Variants in TPPP2 observed in about 807,000 individuals in gnomAD.
TPPP2 encodes tubulin polymerization promoting protein family member 2.
In TPPP2, 8 loss-of-function variants were observed where a neutral mutation model predicts 13.0. That is an observed-to-expected ratio of 0.62 (90% confidence interval 0.36 to 1.11). TPPP2 has a LOEUF of 1.11. Among genes scored for constraint, TPPP2 ranks in the 50% most tolerant of loss-of-function variants. The pLI is 0.02. For synonymous variants in TPPP2, 81 were observed against 81.8 expected (o/e 0.99, Z 0.05); for missense variants, 213 against 216.9 (o/e 0.98, Z 0.11).
chr14:21,034,380 C>A, downstream of TPPP2: 1 of 891,974 alleles, frequency 1.1e-6, no homozygotes, highest in Non-Finnish European at 1.7e-6. Context: ...ATTCCCAACC[C>A]AACAGTACTT....
upstream of TPPP2, among the ~76,000 whole-genome samples, chr14:21,029,673 G>A (rs1026228658): frequency 2.6e-5 from 4 of 152,118 alleles, no homozygotes; most frequent in African/African-American, 4.8e-5. Flanking sequence ...GGCATTTTGG[G>A]GGGTGATTAA....
At chr14:21,034,778 G>T, downstream of TPPP2, 1 of 156,182 alleles carries the variant, frequency 6.4e-6, no homozygotes, top group South Asian at 2.0e-4. Flanking sequence ...AGGTTTCTAG[G>T]TAAAAATCAG....
downstream of TPPP2, among the ~76,000 whole-genome samples, chr14:21,035,464 G>C (rs957125354): frequency 2.6e-5 from 4 of 152,212 alleles, no homozygotes; most frequent in Admixed American, 6.5e-5. Flanking sequence ...CAAAGAGCCA[G>C]CTCCCTGGAA....
chr14:21,027,624 A>G (rs1458770137), upstream of TPPP2, among the ~76,000 whole-genome samples: 1 of 152,244 alleles, frequency 6.6e-6, no homozygotes, highest in African/African-American at 2.4e-5. Context: ...CTTTGAAGTA[A>G]GTTTCTGTCA....
exon 1 of TPPP2, chr14:21,024,333 G>A (rs955421912): frequency 1.0e-6 from 1 of 981,852 alleles, no homozygotes; most frequent in Non-Finnish European, 1.2e-6. Flanking sequence ...AGAAGGAAGT[G>A]CTGATGTGGA....
rs375701695 is a variant in TPPP2, at chr14:21,031,071, G to C, written c.233G>C (p.Gly78Ala). ...TTCAAAGAGGCAGTGAAGGAACTGG[G>C]CCAGAAGCGCTTCAAAGGGAAGAGT... ...QQFKEAVKEL[G>A]QKRFKGKSPD... is the part of the protein sequence containing the mutation. Residue 78 changes from glycine to alanine, a missense_variant, in exon 3 of 4, where the codon GGC becomes GCC. Coordinates refer to ENST00000321760, the MANE Select transcript of TPPP2 (RefSeq NM_173846.5). The C allele has an allele frequency of 2.3e-5, 37 of 1,614,042 alleles. No homozygotes were observed. Among genetic ancestry groups the C allele is most frequent in the Non-Finnish European group, 3.1e-5 (36 of 1,180,026 alleles).
At position 21,031,984 on chromosome 14, in the gene TPPP2, C is replaced by G. The variant is rs1884223436; in HGVS notation, c.420C>G (p.Gly140=). ...AGCGCTTTGATGAGAGTGGCAAGGG[C>G]AAGGGCATTGCGGGACGGGAAGAGA... ...HKERFDESGK[G]KGIAGREEMT... Residue 140 remains glycine (G), a synonymous_variant, in exon 4 of 4, where the codon GGC becomes GGG. Coordinates refer to ENST00000321760, the MANE Select transcript of TPPP2 (RefSeq NM_173846.5). The G allele has an allele frequency of 6.2e-7, 1 of 1,614,146 alleles. No individual in the cohort carries two copies. Among genetic ancestry groups the G allele is most frequent in the Non-Finnish European group, 8.5e-7 (1 of 1,180,028 alleles).
upstream of TPPP2, chr14:21,025,673 G>T (rs1883489109): frequency 3.0e-6 from 3 of 984,986 alleles, no homozygotes; most frequent in Non-Finnish European, 1.2e-6. This position sits in a 1 kb window ranked among gnomAD's most constrained non-coding sequence, Gnocchi z 5.1. Context: ...CAGAGTCCTG[G>T]TACCTCTCCT....
chr14:21,034,377 A>G (rs1359528568), downstream of TPPP2: 4 of 885,562 alleles, frequency 4.5e-6, no homozygotes, highest in Middle Eastern at 3.5e-4. Context: ...AGCATTCCCA[A>G]CCCAACAGTA....
Position 21,025,036 on chromosome 14 carries a change from C to G in TPPP2, n.236+692C>G, listed in dbSNP as rs1425444140. The G allele has an allele frequency of 1.0e-6, 1 of 986,066 alleles. No individual in the cohort carries two copies. Among genetic ancestry groups the G allele is most frequent in the Non-Finnish European group, 1.2e-6 (1 of 830,462 alleles). The allele number at this position is 986,066 out of a possible 1,614,324, so 61.1% of individuals were successfully genotyped here. A position where few individuals can be genotyped will look rare whatever the true frequency, so the allele number is the denominator to read the frequency against. ...GCCTGCCCCTCCCCCTACCTGCTGC[C>G]GCCGCGGCCGCTTCCACCTTCACTT... On this transcript the variant is annotated intron_variant and non_coding_transcript_variant, in intron 1 of 1. Transcript: ENST00000533755. The surrounding 1 kb of genome is among the most constrained non-coding windows in gnomAD (Gnocchi z 5.1).
At chr14:21,027,965 G>C (rs1043123519), upstream of TPPP2, among the ~76,000 whole-genome samples, 2 of 152,172 alleles carry the variant, frequency 1.3e-5, no homozygotes, top group African/African-American at 4.8e-5. Context: ...CTGAATAGTA[G>C]CTTCCCATGT....
upstream of TPPP2, chr14:21,025,576 T>C (rs1215324316): frequency 1.0e-6 from 1 of 985,216 alleles, no homozygotes; most frequent in Non-Finnish European, 1.2e-6. The surrounding 1 kb of genome is among the most constrained non-coding windows in gnomAD (Gnocchi z 5.1). Context: ...GGCGGGGGTC[T>C]CGCCGGCTGG....
upstream of TPPP2, among the ~76,000 whole-genome samples, chr14:21,026,857 G>C (rs1248090739): frequency 6.6e-6 from 1 of 152,158 alleles, no homozygotes; most frequent in African/African-American, 2.4e-5. Flanking sequence ...ACAAGGAAAA[G>C]CCTGCTGGAA....
upstream of TPPP2, among the ~76,000 whole-genome samples, chr14:21,028,076 C>T (rs535781098): frequency 1.2e-4 from 19 of 152,282 alleles, no homozygotes; most frequent in South Asian, 3.9e-3. Flanking sequence ...GTCCACTCAG[C>T]TAGTAAATGA....
At chr14:21,036,085 G>A (rs1042767779), downstream of TPPP2, 34 of 411,234 alleles carry the variant, frequency 8.3e-5, no homozygotes, top group African/African-American at 3.1e-4. Flanking sequence ...ACCAGTGCCC[G>A]GCACATGGTG....
downstream of TPPP2, chr14:21,034,279 C>T: frequency 6.2e-7 from 1 of 1,609,930 alleles, no homozygotes; most frequent in Non-Finnish European, 8.5e-7. Context: ...CGGGTCACAG[C>T]TGGTGCCATT....
chr14:21,033,730 C>T (rs755839061), downstream of TPPP2: 1 of 961,324 alleles, frequency 1.0e-6, no homozygotes, highest in Admixed American at 1.7e-5. Flanking sequence ...CCTCGTAAGT[C>T]AGGAAGGAAG....
Position 21,025,092 on chromosome 14 carries a change from C to T in TPPP2, n.236+748C>T. ...TGACTCGGGCCCGCCCCGGCTCGGG[C>T]TTCCCGCAGACCCGCCCCCGGCCCG... On this transcript the variant is annotated intron_variant and non_coding_transcript_variant, in intron 1 of 1. Coordinates refer to the TPPP2 transcript ENST00000533755. The surrounding 1 kb of genome is among the most constrained non-coding windows in gnomAD (Gnocchi z 5.1). 1.0e-6 allele frequency: 1 copy of T among 985,772 alleles called. No homozygotes were observed. Among genetic ancestry groups the T allele is most frequent in the Non-Finnish European group, 1.2e-6 (1 of 830,276 alleles). The allele number at this position is 985,772 out of a possible 1,614,324, so 61.1% of individuals were successfully genotyped here.
intron 1 of TPPP2, chr14:21,024,979 C>T (rs1026159893): frequency 2.0e-6 from 2 of 985,522 alleles, no homozygotes; most frequent in African/African-American, 1.7e-5. Context: ...CCCGCCGGCC[C>T]GGCTGGCGCC....
Sources: gnomAD v4.1 joint callset for allele counts (sites outside exome capture counted in the v4.1 genomes callset) on GRCh38, gnomAD v4.1.1 for gene constraint, Gnocchi (gnomAD v3.1) non-coding constraint, MANE v1.5 for transcripts, NCBI Gene and HGNC (gene_info 2026-07-23, HGNC 2026-07-21) for gene names.